CHSY3: variants seen among roughly 807,000 people sequenced by gnomAD.
CHSY3 encodes the protein N-acetylgalactosaminyl-proteoglycan 3-beta-glucuronosyltransferase 3.
In CHSY3, 35 loss-of-function variants were observed where a neutral mutation model predicts 67.2. That is an observed-to-expected ratio of 0.52 (90% CI 0.40 to 0.69). The LOEUF (loss-of-function observed/expected upper bound fraction) is 0.69, where lower values mean the gene tolerates loss of function less well. CHSY3 is among the 30% of genes least tolerant of loss of function. The probability of loss-of-function intolerance (pLI) is 0.00; values close to 1 mark genes in which losing one functional copy is unlikely to be tolerated. For missense variants in CHSY3, 1,069 were observed against 1,138.5 expected, an observed-to-expected ratio of 0.94 and a Z score of 0.88; for synonymous variants, 474 against 434.7, an observed-to-expected ratio of 1.09 and a Z score of -1.12.
chr5:130,005,185 G>C (rs1318046425), intron 2 of CHSY3, among the ~76,000 whole-genome samples: 1 of 152,122 alleles, frequency 6.6e-6, no homozygotes, highest in Admixed American at 6.6e-5. Flanking sequence ...GGGAGGCTGA[G>C]GCAGGCAGAT....
chr5:130,084,666 G>T (rs371977723), intron 2 of CHSY3, among the ~76,000 whole-genome samples: 4 of 151,744 alleles, frequency 2.6e-5, no homozygotes, highest in Admixed American at 1.3e-4. Context: ...GTTTCCAGTT[G>T]TGCTGTTCTG....
intron 2 of CHSY3, among the ~76,000 whole-genome samples, chr5:130,068,873 T>C (rs1765969044): frequency 6.6e-6 from 1 of 152,194 alleles, no homozygotes; most frequent in South Asian, 2.1e-4. Flanking sequence ...AGGAAAGGGA[T>C]TTGGTTTTGC....
intron 2 of CHSY3, among the ~76,000 whole-genome samples, chr5:130,123,793 C>A (rs1011004439): frequency 1.3e-5 from 2 of 152,036 alleles, no homozygotes; most frequent in Non-Finnish European, 2.9e-5. Flanking sequence ...CGTAGTGGCT[C>A]ACCCCTATAA....
At chr5:130,042,802 T>C (rs1765041000) in intron 2 of CHSY3, among the ~76,000 whole-genome samples, 1 of 152,100 alleles carries the variant, frequency 6.6e-6, no homozygotes, top group African/African-American at 2.4e-5. Flanking sequence ...TTTCCAACAG[T>C]ACCCTAGAGC....
At chr5:130,018,526 A>G (rs1764276974) in intron 2 of CHSY3, among the ~76,000 whole-genome samples, 1 of 152,108 alleles carries the variant, frequency 6.6e-6, no homozygotes, top group African/African-American at 2.4e-5. Flanking sequence ...TGTGGCTTTT[A>G]TGCTTCTACA....
chr5:129,959,028 A>T (rs974072595), intron 2 of CHSY3, among the ~76,000 whole-genome samples: 1 of 152,120 alleles, frequency 6.6e-6, no homozygotes, highest in Non-Finnish European at 1.5e-5. Context: ...TATTCATTCA[A>T]ATTTCAGCTT....
At chr5:130,175,992 T>C (rs988846458) in intron 2 of CHSY3, among the ~76,000 whole-genome samples, 2 of 152,078 alleles carry the variant, frequency 1.3e-5, no homozygotes, top group African/African-American at 4.8e-5. Context: ...AAAGCCAAAA[T>C]TGACAAATGG....
chr5:130,044,465 A>G (rs1487174264), intron 2 of CHSY3, among the ~76,000 whole-genome samples: 1 of 152,162 alleles, frequency 6.6e-6, no homozygotes, highest in Admixed American at 6.6e-5. Flanking sequence ...TAGGAGAAAC[A>G]GAGGAAAGCA....
intron 2 of CHSY3, among the ~76,000 whole-genome samples, chr5:130,117,419 T>C (rs918367010): frequency 1.3e-5 from 2 of 152,156 alleles, no homozygotes; most frequent in Non-Finnish European, 2.9e-5. Context: ...ATGGTCAGGT[T>C]GTGGCAGAGC....
chr5:129,962,470 G>C (rs935580176), intron 2 of CHSY3, among the ~76,000 whole-genome samples: 9 of 151,982 alleles, frequency 5.9e-5, no homozygotes, highest in African/African-American at 2.2e-4. Context: ...CATCAAGATT[G>C]TTCTCTGATT....
At chr5:130,104,843 T>A (rs1203153932) in intron 2 of CHSY3, among the ~76,000 whole-genome samples, 3 of 151,872 alleles carry the variant, frequency 2.0e-5, no homozygotes, top group African/African-American at 7.2e-5. Flanking sequence ...ATGCAGTTTA[T>A]ATGACTAATT....
intron 2 of CHSY3, among the ~76,000 whole-genome samples, chr5:130,128,931 G>GT (rs200191536): frequency 0.053 from 7,666 of 144,296 alleles, 389 homozygotes; most frequent in East Asian, 0.28. Flanking sequence ...AAAATGTGAG[G>GT]TTTTTTTTTT....
At chr5:129,988,506 C>G (rs1763268730) in intron 2 of CHSY3, among the ~76,000 whole-genome samples, 1 of 152,178 alleles carries the variant, frequency 6.6e-6, no homozygotes, top group Non-Finnish European at 1.5e-5. Flanking sequence ...AGGTTGGCCT[C>G]TGCCATTTCA....
intron 2 of CHSY3, among the ~76,000 whole-genome samples, chr5:129,984,906 G>A (rs1417729520): frequency 6.6e-6 from 1 of 151,986 alleles, no homozygotes; most frequent in South Asian, 2.1e-4. Flanking sequence ...TAAGTTCCTT[G>A]GAAGTTGTGG....
At chr5:129,958,096 C>T (rs1037475071) in intron 2 of CHSY3, among the ~76,000 whole-genome samples, 4 of 152,196 alleles carry the variant, frequency 2.6e-5, no homozygotes, top group Middle Eastern at 3.4e-3. Flanking sequence ...GTAATGTTCT[C>T]TGATTGCTTC....
chr5:130,059,404 T>TCTCTCG (rs1765637642), intron 2 of CHSY3, among the ~76,000 whole-genome samples: 1 of 151,450 alleles, frequency 6.6e-6, no homozygotes, highest in African/African-American at 2.4e-5. Flanking sequence ...TCTCTCTCTC[T>TCTCTCG]CTCGCTCTTC....
intron 2 of CHSY3, among the ~76,000 whole-genome samples, chr5:129,964,261 C>A (rs1427738821): frequency 6.6e-6 from 1 of 151,870 alleles, no homozygotes; most frequent in Non-Finnish European, 1.5e-5. Context: ...CAAGGATACA[C>A]CTGCTCTTAT....
intron 2 of CHSY3, among the ~76,000 whole-genome samples, chr5:130,018,298 T>C (rs1377440467): frequency 1.3e-5 from 2 of 152,184 alleles, no homozygotes; most frequent in Admixed American, 1.3e-4. Context: ...AGTAAGTCTT[T>C]ATTTGTCAAA....
intron 2 of CHSY3, among the ~76,000 whole-genome samples, chr5:130,159,818 G>T (rs1478149040): frequency 6.6e-6 from 1 of 152,122 alleles, no homozygotes; most frequent in Middle Eastern, 3.2e-3. Context: ...CTGTAAATTA[G>T]CCAAGAAATG....
Sources: gnomAD v4.1 joint callset for allele counts (sites outside exome capture counted in the v4.1 genomes callset) on GRCh38, gnomAD v4.1.1 for gene constraint, MANE v1.5 for transcripts, NCBI Gene and HGNC (gene_info 2026-07-23, HGNC 2026-07-21) for gene names.